The following MEST variants were observed in gnomAD, a reference collection of about 807,000 sequenced individuals.
MEST encodes mesoderm specific transcript.
MEST carries 18 observed loss-of-function variants against 50.9 expected under a neutral mutation model. That is an observed-to-expected ratio of 0.35 (90% CI 0.24 to 0.52). The LOEUF is 0.52. Ranked by LOEUF, MEST falls within the 20% of genes least tolerant of loss-of-function variation. MEST has a pLI of 0.94. For missense variants in MEST, 282 were observed against 425.3 expected, an observed-to-expected ratio of 0.66 and a Z score of 2.96; for synonymous variants, 130 against 154.1, an observed-to-expected ratio of 0.84 and a Z score of 1.16.
chr7:130,499,127 A>T (rs1799181728), intron 6 of MEST, among the ~76,000 whole-genome samples: 1 of 152,218 alleles, frequency 6.6e-6, no homozygotes, highest in African/African-American at 2.4e-5. Flanking sequence ...ACTTAACTGT[A>T]TGAGATTCCC....
chr7:130,498,288 TCA>T lies in MEST; in HGVS notation c.476+14_476+15del. 2 of 1,613,458 alleles carry T rather than the reference TCA, an allele frequency of 1.2e-6. No homozygotes were observed. The highest frequency in any genetic ancestry group is 2.2e-5 in the East Asian group (1 of 44,878). On this transcript the variant is annotated intron_variant, in intron 5 of 11. Transcript: ENST00000223215. ...AGCTTCTCTACAGGTCAGTGGAGCT[TCA>T]GACTTCAGCTTATGATGCTAGGAAA...
intron 9 of MEST, 130 bp downstream of exon 9, chr7:130,501,020 A>G (rs782179339): frequency 3.5e-5 from 23 of 659,248 alleles, no homozygotes; most frequent in African/African-American, 5.5e-5. Context: ...GGCAAACCAA[A>G]AAGTCATGGT....
In MEST at chr7:130,500,232, TA is replaced by T. The variant is rs777574239; in HGVS notation, c.577-227del. ...ACTCTAAACTTGAATATATCAGAGT[TA>T]AAGTTTTAGGGATTTAGTGAATTGT... On this transcript the variant is annotated intron_variant, in intron 7 of 11. Transcript: ENST00000223215. This position sits in a 1 kb window ranked among gnomAD's most constrained non-coding sequence, Gnocchi z 5.0. Among the ~76,000 whole-genome samples, 1 of 152,190 alleles carries T rather than the reference TA, an allele frequency of 6.6e-6. No homozygotes were observed. Among genetic ancestry groups the T allele is most frequent in the Non-Finnish European group, 1.5e-5 (1 of 68,020 alleles).
Position 130,500,117 on chromosome 7 carries a change from T to G in MEST, c.576+202T>G, listed in dbSNP as rs1274698761. ...CCCTACGTAAACCCAAAACCAATCC[T>G]AAGAATAAGAGATCAACAAATATTT... On this transcript the variant is annotated intron_variant, in intron 7 of 11. Coordinates refer to ENST00000223215, the MANE Select transcript of MEST (RefSeq NM_002402.4). The surrounding 1 kb of genome is among the most constrained non-coding windows in gnomAD (Gnocchi z 5.0). 1 of 555,334 alleles carries G rather than the reference T, an allele frequency of 1.8e-6. No individual in the cohort carries two copies. Among genetic ancestry groups the G allele is most frequent in the Non-Finnish European group, 3.1e-6 (1 of 318,174 alleles). 34.4% of individuals were successfully genotyped at this position (555,334 alleles called of 1,614,324 possible).
In MEST at chr7:130,492,694, C is replaced by G. The variant is rs1798874920; in HGVS notation, c.26+355C>G. The G allele has an allele frequency of 4.3e-6, 1 of 233,630 alleles. No homozygotes were observed. The highest frequency in any genetic ancestry group is 2.3e-5 in the African/African-American group (1 of 44,222). 14.5% of individuals were successfully genotyped at this position (233,630 alleles called of 1,614,324 possible). ...TGGGATTTTTAGATCCTGGCATCACCCTGGTGCGATTTAGGATTTTTATAC... is the reference window on the plus strand; with the variant it reads ...TGGGATTTTTAGATCCTGGCATCACGCTGGTGCGATTTAGGATTTTTATAC... On this transcript the variant is annotated intron_variant, in intron 1 of 11. Transcript: ENST00000223215. The surrounding 1 kb of genome is among the most constrained non-coding windows in gnomAD (Gnocchi z 7.6).
upstream of MEST, chr7:130,488,960 C>T (rs1179916376): frequency 2.6e-5 from 4 of 152,172 alleles, no homozygotes; most frequent in Non-Finnish European, 1.5e-5. Context: ...AACATGTGCT[C>T]CTGTTCAACC....
At chr7:130,495,275 GC>G in intron 1 of MEST, 92 bp from the exon 2 acceptor site, 1 of 1,313,124 alleles carries the variant, frequency 7.6e-7, no homozygotes, top group East Asian at 2.4e-5. Context: ...CATGGTAACA[GC>G]AATCTCCCAC....
At chr7:130,502,599 G>A in intron 9 of MEST, 45 bp from the exon 10 acceptor site, 1 of 1,452,662 alleles carries the variant, frequency 6.9e-7, no homozygotes, top group Non-Finnish European at 9.7e-7. Flanking sequence ...CCCTGTAACA[G>A]TAAAGGTTTC....
Position 130,497,565 on chromosome 7 carries a change from AT to A in MEST, c.261+339del, listed in dbSNP as rs1267048865. On this transcript the variant is annotated intron_variant, in intron 3 of 11. Coordinates refer to ENST00000223215, the MANE Select transcript of MEST (RefSeq NM_002402.4). The surrounding 1 kb of genome is among the most constrained non-coding windows in gnomAD (Gnocchi z 4.0). Reference sequence around the variant, plus strand: ...GAGCGAGAGTCTGTCTCAAAAAAAAATTTTTTTTTAATAAAAATTTAAAAAA... The same window carrying A: ...GAGCGAGAGTCTGTCTCAAAAAAAAATTTTTTTTAATAAAAATTTAAAAAA... The A allele has an allele frequency of 1.5e-4, 36 of 240,392 alleles. No homozygotes were observed. The highest frequency in any genetic ancestry group is 2.0e-4 in the Non-Finnish European group (25 of 125,122). The allele number at this position is 240,392 out of a possible 1,614,324, so 14.9% of individuals were successfully genotyped here. A position where few individuals can be genotyped will look rare whatever the true frequency, so the allele number is the denominator to read the frequency against.
In MEST at chr7:130,502,705, T is replaced by C. The variant is rs782001638; in HGVS notation, c.811T>C (p.Ser271Pro). ...AAGGCGCTGGGTGGGAGCTCTTGCC[T>C]CTGTAACTATCCCCAGTGAGTATTT... ...FRRRWVGALA[S>P]VTIPIHFIYG... The change falls in exon 10 of 12, where the codon TCT becomes CCT. Residue 271 changes from serine to proline, a missense_variant. Coordinates refer to ENST00000223215, the MANE Select transcript of MEST (RefSeq NM_002402.4). 6.2e-7 allele frequency: 1 copy of C among 1,613,056 alleles called. No individual in the cohort carries two copies. The highest frequency in any genetic ancestry group is 8.5e-7 in the Non-Finnish European group (1 of 1,179,072).
chr7:130,497,239 A>G lies in MEST; in HGVS notation c.261+4A>G, dbSNP rs1554437263. 2 of 1,609,744 alleles carry G rather than the reference A, an allele frequency of 1.2e-6. No homozygotes were observed. Among genetic ancestry groups the G allele is most frequent in the Non-Finnish European group, 1.7e-6 (2 of 1,177,824 alleles). On this transcript the variant is annotated splice_donor_region_variant and intron_variant, in intron 3 of 11. Coordinates refer to ENST00000223215, the MANE Select transcript of MEST (RefSeq NM_002402.4). The surrounding 1 kb of genome is among the most constrained non-coding windows in gnomAD (Gnocchi z 4.0). ...ATCCAGCTACGACTGGTACAAGGTA[A>G]TGAAGTCAGACTTCTACGTCCTACT...
In MEST at chr7:130,498,452, A is replaced by G. The variant is rs782435646; in HGVS notation, c.510A>G (p.Ile170Met). 1.2e-6 allele frequency: 2 copies of G among 1,614,182 alleles called. No homozygotes were observed. The highest frequency in any genetic ancestry group is 1.7e-6 in the Non-Finnish European group (2 of 1,180,028). Reference sequence around the variant, plus strand: ...AGAATCGATCTGGTCGGCTTACCATAAAGAGTCTCTGTCTGTCAAATGGAG... The same window carrying G: ...AGAATCGATCTGGTCGGCTTACCATGAAGAGTCTCTGTCTGTCAAATGGAG... ...YKQNRSGRLT[I>M]KSLCLSNGGI... Residue 170 changes from isoleucine to methionine, a missense_variant, in exon 6 of 12, where the codon ATA (isoleucine) becomes ATG (methionine). Ile to Met is a conservative substitution (Grantham distance 10, BLOSUM62 1). Transcript: ENST00000223215.
chr7:130,493,708 G>A (rs1300938751), intron 1 of MEST, among the ~76,000 whole-genome samples: 2 of 152,184 alleles, frequency 1.3e-5, no homozygotes, highest in Non-Finnish European at 1.5e-5. Flanking sequence ...TCTCTGCTGA[G>A]TCACTGCAGA....
At chr7:130,504,117 C>A in intron 11 of MEST, 121 bp downstream of exon 11, 2 of 700,446 alleles carry the variant, frequency 2.9e-6, no homozygotes, top group Non-Finnish European at 2.5e-6. Context: ...GGCTGTTCAT[C>A]CAGGAAACAA....
intron 7 of MEST, 46 bp downstream of exon 7, chr7:130,499,961 C>T (rs782409029): frequency 1.4e-5 from 21 of 1,518,102 alleles, no homozygotes; most frequent in South Asian, 1.1e-4. Flanking sequence ...TTTGTACTGA[C>T]GTAAATAATG....
intron 9 of MEST, 23 bp from the exon 10 acceptor site, chr7:130,502,621 A>G: frequency 1.9e-6 from 3 of 1,597,256 alleles, no homozygotes; most frequent in South Asian, 1.1e-5. Context: ...TGTTCTGCAC[A>G]TGCTGACTTA....
chr7:130,496,965 C>G (rs570642042), intron 2 of MEST, 191 bp from the exon 3 acceptor site: 1 of 413,916 alleles, frequency 2.4e-6, no homozygotes, highest in East Asian at 4.0e-5. Context: ...TTTTAATATA[C>G]AGATTGAAAG....
At chr7:130,498,854 G>A in intron 6 of MEST, 1 of 282,452 alleles carries the variant, frequency 3.5e-6, no homozygotes. Context: ...TGAAACAACT[G>A]CAATAGGTTA....
At chr7:130,503,626 TAGTG>T (rs879950792) in intron 10 of MEST, among the ~76,000 whole-genome samples, 13 of 152,222 alleles carry the variant, frequency 8.5e-5, no homozygotes, top group Admixed American at 2.6e-4. Flanking sequence ...CTGGGCAACA[TAGTG>T]AGAAAAATTT....
Sources: allele counts gnomAD v4.1 joint callset (sites outside exome capture counted in the v4.1 genomes callset), GRCh38; gene constraint gnomAD v4.1.1; non-coding constraint Gnocchi (gnomAD v3.1); transcripts MANE v1.5; gene names NCBI Gene and HGNC (gene_info 2026-07-23, HGNC 2026-07-21).